Variants in SUV39H2 observed in about 807,000 individuals in gnomAD.
SUV39H2 encodes SUV39H2 histone lysine methyltransferase.
A neutral mutation model predicts 47.5 loss-of-function variants in SUV39H2; 10 were observed. That is an observed-to-expected ratio of 0.21 (90% CI 0.13 to 0.36). SUV39H2 has a LOEUF of 0.36. Ranked by LOEUF, SUV39H2 falls within the 10% of genes least tolerant of loss-of-function variation. The probability of loss-of-function intolerance (pLI) is 1.00; values close to 1 mark genes in which losing one functional copy is unlikely to be tolerated. For missense variants in SUV39H2, 266 were observed against 487.4 expected (o/e 0.55, Z 4.28); for synonymous variants, 159 against 166.8 (o/e 0.95, Z 0.36).
intron 4 of SUV39H2, among the ~76,000 whole-genome samples, chr10:14,900,112 T>C (rs1347508321): frequency 6.6e-6 from 1 of 152,206 alleles, no homozygotes; most frequent in Non-Finnish European, 1.5e-5. Context: ...ACATGTTAAC[T>C]TTTTATAAAA....
At chr10:14,901,540 C>A (rs929266008) in intron 5 of SUV39H2, among the ~76,000 whole-genome samples, 2 of 150,772 alleles carry the variant, frequency 1.3e-5, no homozygotes, top group African/African-American at 4.9e-5. Context: ...TACTGTACTA[C>A]TTGTCTTTTT....
In SUV39H2 at chr10:14,881,565, A is replaced by ACAG; in HGVS notation, c.99_100insGCA (p.Thr33_Cys34insAla). The ACAG allele has an allele frequency of 6.2e-7, 1 of 1,606,658 alleles. No homozygotes were observed. The highest frequency in any genetic ancestry group is 1.1e-5 in the South Asian group (1 of 89,474). On this transcript the variant is annotated inframe_insertion, in exon 2 of 6. Transcript: ENST00000354919. ...GGAATTATGTAGAAAAGAAAAGCTC[A>ACAG]CATGTAAATCGATTGGAATCACCAA...
chr10:14,898,771 A>G lies in SUV39H2; in HGVS notation c.850-768A>G, dbSNP rs2131709767. ...CTTAGACTTACAGAATTGCATGAAAATAACATATTCTACAAAAACAAAACC... is the reference window on the plus strand; with the variant it reads ...CTTAGACTTACAGAATTGCATGAAAGTAACATATTCTACAAAAACAAAACC... On this transcript the variant is annotated intron_variant, in intron 3 of 5. Transcript: ENST00000354919. The G allele has an allele frequency of 1.3e-5, 2 of 154,806 alleles. 1 individual carries two copies. The highest frequency in any genetic ancestry group is 4.1e-4 in the South Asian group (2 of 4,910). The allele number at this position is 154,806 out of a possible 1,614,324, so 9.6% of individuals were successfully genotyped here.
intron 1 of SUV39H2, 24 bp downstream of exon 1, chr10:14,878,943 C>A: frequency 1.4e-6 from 2 of 1,452,264 alleles, no homozygotes; most frequent in East Asian, 3.0e-5. Flanking sequence ...GCGGCCCCCT[C>A]GCCTTCCCTG....
intron 2 of SUV39H2, among the ~76,000 whole-genome samples, chr10:14,889,869 CATT>C (rs1442497387): frequency 1.3e-5 from 2 of 152,136 alleles, no homozygotes; most frequent in Non-Finnish European, 2.9e-5. Context: ...TTTTCTGCAG[CATT>C]ATTGTTGCTA....
intron 2 of SUV39H2, among the ~76,000 whole-genome samples, chr10:14,894,789 A>G (rs1306076634): frequency 6.6e-6 from 1 of 152,234 alleles, no homozygotes; most frequent in African/African-American, 2.4e-5. Context: ...GTTCCTGCAC[A>G]GCTGCCTCAT....
intron 5 of SUV39H2, 110 bp from the exon 6 acceptor site, chr10:14,902,296 T>A (rs1453255563): frequency 1.8e-5 from 11 of 620,870 alleles, no homozygotes; most frequent in East Asian, 1.5e-4. Flanking sequence ...GTCTTGACCA[T>A]GTAAGTACCC....
intron 1 of SUV39H2, chr10:14,879,198 C>G: frequency 9.4e-7 from 1 of 1,064,850 alleles, no homozygotes; most frequent in Non-Finnish European, 1.2e-6. Context: ...GCCCGGCCCC[C>G]TCCGCGTCTC....
chr10:14,883,151 GC>G (rs1173307809), intron 2 of SUV39H2, among the ~76,000 whole-genome samples: 1 of 152,068 alleles, frequency 6.6e-6, no homozygotes, highest in Non-Finnish European at 1.5e-5. Flanking sequence ...ACAGGCGTGA[GC>G]CACTGCACCC....
intron 2 of SUV39H2, among the ~76,000 whole-genome samples, chr10:14,890,240 A>G (rs17156034): frequency 0.02 from 3,090 of 152,298 alleles, 54 homozygotes; most frequent in Middle Eastern, 0.034. Context: ...TTTAACAATC[A>G]ATGTCATGTG....
At chr10:14,883,113 C>G (rs974270074) in intron 2 of SUV39H2, among the ~76,000 whole-genome samples, 7 of 152,024 alleles carry the variant, frequency 4.6e-5, no homozygotes, top group Non-Finnish European at 7.4e-5. Flanking sequence ...ATGATCTGCC[C>G]GCCTTGGCCT....
chr10:14,883,218 C>G (rs903890118), intron 2 of SUV39H2, among the ~76,000 whole-genome samples: 1 of 152,080 alleles, frequency 6.6e-6, no homozygotes, highest in Non-Finnish European at 1.5e-5. Context: ...TCTTTTTTTA[C>G]TGATATATCT....
intron 5 of SUV39H2, 120 bp downstream of exon 5, chr10:14,901,382 C>A: frequency 7.5e-7 from 1 of 1,331,968 alleles, no homozygotes; most frequent in Non-Finnish European, 1.0e-6. Context: ...AGTTGAGGCA[C>A]TAAGTTTGTC....
chr10:14,901,051 G>C (rs1026328262), intron 4 of SUV39H2, 82 bp from the exon 5 acceptor site: 2 of 1,523,670 alleles, frequency 1.3e-6, no homozygotes, highest in Non-Finnish European at 1.8e-6. Context: ...TAAATCTCTA[G>C]GAAAGTAAAC....
chr10:14,878,883 T>C lies in SUV39H2; in HGVS notation c.-6T>C. ...ACCGCGCCAGTTTGAATGAAAGCTC[T>C]ACAAGATGGCGGCGGTCGGGGCCGA... On this transcript the variant is annotated 5_prime_UTR_variant, in exon 1 of 6. Coordinates refer to ENST00000354919, the MANE Select transcript of SUV39H2 (RefSeq NM_001193424.2). 2 of 1,489,084 alleles carry C rather than the reference T, an allele frequency of 1.3e-6. No individual in the cohort carries two copies. Among genetic ancestry groups the C allele is most frequent in the Non-Finnish European group, 1.8e-6 (2 of 1,118,882 alleles). 92.2% of individuals were successfully genotyped at this position (1,489,084 alleles called of 1,614,324 possible). A position where few individuals can be genotyped will look rare whatever the true frequency, so the allele number is the denominator to read the frequency against.
intron 5 of SUV39H2, among the ~76,000 whole-genome samples, 168 bp downstream of exon 5, chr10:14,901,430 G>C (rs1211408272): frequency 6.6e-6 from 1 of 152,152 alleles, no homozygotes; most frequent in Non-Finnish European, 1.5e-5. Flanking sequence ...GCTAATACTA[G>C]AACCCAGGTC....
intron 1 of SUV39H2, among the ~76,000 whole-genome samples, chr10:14,880,853 T>TC (rs1238123730): frequency 6.6e-6 from 1 of 152,236 alleles, no homozygotes; most frequent in Non-Finnish European, 1.5e-5. Context: ...ATCGATATAC[T>TC]CCATTTTTTT....
chr10:14,899,390 A>C (rs1833836783), intron 3 of SUV39H2, 149 bp from the exon 4 acceptor site: 1 of 807,778 alleles, frequency 1.2e-6, no homozygotes, highest in South Asian at 1.7e-5. Flanking sequence ...TTTGCATCTG[A>C]GTCTTAGTTT....
chr10:14,893,531 G>C (rs1008659960), intron 2 of SUV39H2, among the ~76,000 whole-genome samples: 3 of 152,148 alleles, frequency 2.0e-5, no homozygotes, highest in Non-Finnish European at 4.4e-5. Context: ...GATGTAATAA[G>C]CTTATGAACT....
Sources: gnomAD v4.1 joint callset for allele counts (sites outside exome capture counted in the v4.1 genomes callset) on GRCh38, gnomAD v4.1.1 for gene constraint, MANE v1.5 for transcripts, NCBI Gene and HGNC (gene_info 2026-07-23, HGNC 2026-07-21) for gene names.